The following IMPACT variants were observed in gnomAD, a reference collection of about 807,000 sequenced individuals.
The protein encoded by IMPACT is impact RWD domain protein.
IMPACT carries 35 observed loss-of-function variants against 47.5 expected under a neutral mutation model. The observed-to-expected ratio is 0.74, with a 90% CI of 0.56 to 0.98. The LOEUF (loss-of-function observed/expected upper bound fraction) is 0.98. IMPACT is among the 50% of genes least tolerant of loss of function. IMPACT has a pLI of 0.00. For synonymous variants in IMPACT, 118 were observed against 125.6 expected (o/e 0.94, Z 0.40); for missense variants, 373 against 394.8 (o/e 0.94, Z 0.47).
chr18:24,445,318 C>T (rs1909221414), intron 7 of IMPACT, 75 bp from the exon 8 acceptor site: 1 of 876,564 alleles, frequency 1.1e-6, no homozygotes, highest in Non-Finnish European at 1.8e-6. Context: ...CAGCATGCTT[C>T]AAGGTATTTT....
intron 5 of IMPACT, chr18:24,439,420 G>A (rs1909034199): frequency 1.3e-5 from 2 of 152,236 alleles, no homozygotes; most frequent in African/African-American, 2.4e-5. Flanking sequence ...GGCGGATCAC[G>A]AGGTCAGGAG....
chr18:24,437,793 C>T (rs1253380043), intron 4 of IMPACT, among the ~76,000 whole-genome samples, 162 bp from the exon 5 acceptor site: 3 of 152,074 alleles, frequency 2.0e-5, no homozygotes, highest in Non-Finnish European at 4.4e-5. Flanking sequence ...ATTAACTACT[C>T]AGACACAAAT....
At chr18:24,432,401 G>C (rs1213763025) in intron 4 of IMPACT, among the ~76,000 whole-genome samples, 1 of 152,028 alleles carries the variant, frequency 6.6e-6, no homozygotes, top group African/African-American at 2.4e-5. Flanking sequence ...ACTCCATTTG[G>C]TACAGTGACA....
intron 6 of IMPACT, among the ~76,000 whole-genome samples, chr18:24,442,797 G>A (rs745679487): frequency 5.9e-5 from 9 of 152,032 alleles, no homozygotes; most frequent in South Asian, 2.1e-4. Context: ...CCAACCCACT[G>A]CTTCCCCTGG....
chr18:24,453,343 T>C lies in IMPACT; in HGVS notation c.*2496T>C, dbSNP rs1306972738. The C allele has an allele frequency of 6.6e-6, 1 of 152,210 alleles. No homozygotes were observed. Among genetic ancestry groups the C allele is most frequent in the East Asian group, 1.9e-4 (1 of 5,200 alleles). 9.4% of individuals were successfully genotyped at this position (152,210 alleles called of 1,614,324 possible). A position where few individuals can be genotyped will look rare whatever the true frequency, so the allele number is the denominator to read the frequency against. ...TGATTCCACTATCCAGAGATAGCCA[T>C]TATTATTAATATTTGGTATGTACAT... is the stretch of plus-strand genomic sequence containing the variant. On this transcript the variant is annotated 3_prime_UTR_variant, in exon 11 of 11. Transcript: ENST00000284202.
In IMPACT at chr18:24,426,674, A is replaced by C. The variant is rs995080497; in HGVS notation, c.-83A>C. ...TTCCGGGTCGGGCCGCGCCGCAGCC[A>C]GCTCTCGGCTCGCAGCCGCAGCGCC... is the stretch of plus-strand genomic sequence containing the variant. On this transcript the variant is annotated 5_prime_UTR_variant, in exon 1 of 11. Coordinates refer to ENST00000284202, the MANE Select transcript of IMPACT (RefSeq NM_018439.4). The C allele has an allele frequency of 4.7e-6, 5 of 1,062,792 alleles. No homozygotes were observed. Among genetic ancestry groups the C allele is most frequent in the South Asian group, 4.6e-5 (1 of 21,828 alleles). The allele number at this position is 1,062,792 out of a possible 1,614,324, so 65.8% of individuals were successfully genotyped here.
chr18:24,438,325 A>G (rs189336447), intron 5 of IMPACT, among the ~76,000 whole-genome samples: 1 of 152,314 alleles, frequency 6.6e-6, no homozygotes, highest in Admixed American at 6.5e-5. Context: ...AAAATATTAA[A>G]TGGAAATTTC....
intron 8 of IMPACT, among the ~76,000 whole-genome samples, chr18:24,447,719 A>C (rs1021041656): frequency 2.0e-5 from 3 of 152,108 alleles, no homozygotes; most frequent in Non-Finnish European, 2.9e-5. Flanking sequence ...TTCCTTTATA[A>C]TATGTCTTAG....
intron 6 of IMPACT, among the ~76,000 whole-genome samples, chr18:24,441,122 C>T (rs1273934666): frequency 6.6e-6 from 1 of 152,200 alleles, no homozygotes; most frequent in African/African-American, 2.4e-5. Context: ...TCAAGTGATC[C>T]TTCTACCTCA....
intron 4 of IMPACT, among the ~76,000 whole-genome samples, chr18:24,432,916 T>C (rs936400497): frequency 6.6e-6 from 1 of 152,174 alleles, no homozygotes; most frequent in Non-Finnish European, 1.5e-5. Flanking sequence ...GTCATACACT[T>C]AGAAGTGGCT....
rs868076714 is a variant in IMPACT at position 24,434,774 on chromosome 18, A to T, written c.282-3181A>T. 1.2e-3 allele frequency among the ~76,000 whole-genome samples: 144 copies of T among 124,744 alleles called. 3 individuals are homozygous for T. The highest frequency in any genetic ancestry group is 7.8e-3 in the Middle Eastern group (2 of 258). 81.8% of individuals were successfully genotyped at this position (124,744 alleles called of 152,430 possible). A position where few individuals can be genotyped will look rare whatever the true frequency, so the allele number is the denominator to read the frequency against. ...GCAAAACTCTGTCTCAAAAAAAAAA[A>T]AAATATATATATATATATATATGTG... On this transcript the variant is annotated intron_variant, in intron 4 of 10. Coordinates refer to ENST00000284202, the MANE Select transcript of IMPACT (RefSeq NM_018439.4).
chr18:24,438,075 C>T, intron 5 of IMPACT, 35 bp downstream of exon 5: 1 of 893,758 alleles, frequency 1.1e-6, no homozygotes, highest in Non-Finnish European at 1.8e-6. Context: ...ACTCTTTTAA[C>T]TTATAATAAC....
chr18:24,446,593 A>G (rs1909256050), intron 8 of IMPACT, among the ~76,000 whole-genome samples: 2 of 152,194 alleles, frequency 1.3e-5, no homozygotes, highest in African/African-American at 4.8e-5. Flanking sequence ...TGTGATTGAG[A>G]CTATTTGTAG....
At chr18:24,437,650 C>T (rs905505701) in intron 4 of IMPACT, among the ~76,000 whole-genome samples, 2 of 152,170 alleles carry the variant, frequency 1.3e-5, no homozygotes, top group African/African-American at 2.4e-5. Context: ...AACTAAGTCA[C>T]ATTTATATTT....
rs577994249 is a variant in IMPACT at position 24,438,672 on chromosome 18, G to T, written c.367+632G>T. Among the ~76,000 whole-genome samples, 3 of 152,182 alleles carry T rather than the reference G, an allele frequency of 2.0e-5. No individual in the cohort carries two copies. The East Asian group carries it at 5.8e-4, about 29-fold the overall frequency. On this transcript the variant is annotated intron_variant, in intron 5 of 10. Transcript: ENST00000284202. Reference sequence around the variant, plus strand: ...TCTACAGACGAGGTCTCCCTATGTTGCCCAGGCTGATCTCAAACTCCTAAG... The same window carrying T: ...TCTACAGACGAGGTCTCCCTATGTTTCCCAGGCTGATCTCAAACTCCTAAG...
chr18:24,428,150 T>C, intron 2 of IMPACT, 103 bp downstream of exon 2: 1 of 1,105,978 alleles, frequency 9.0e-7, no homozygotes, highest in South Asian at 1.8e-5. Flanking sequence ...ATTATCTTTG[T>C]TCTTGGCTTT....
rs1909394032 is a variant in IMPACT, at chr18:24,451,783, T to C, written c.*936T>C. 1 of 152,206 alleles carries C rather than the reference T, an allele frequency of 6.6e-6. No individual in the cohort carries two copies. Among genetic ancestry groups the C allele is most frequent in the East Asian group, 1.9e-4 (1 of 5,200 alleles). The allele number at this position is 152,206 out of a possible 1,614,324, so 9.4% of individuals were successfully genotyped here. A position where few individuals can be genotyped will look rare whatever the true frequency, so the allele number is the denominator to read the frequency against. On this transcript the variant is annotated 3_prime_UTR_variant, in exon 11 of 11. Coordinates refer to ENST00000284202, the MANE Select transcript of IMPACT (RefSeq NM_018439.4). The stretch of plus-strand genomic sequence containing the variant: ...ATGTTGTGTAGTTACATCAATTTGA[T>C]GCATGCTTTCCATCTGCACTCCAGA...
At chr18:24,432,571 C>G (rs962531336) in intron 4 of IMPACT, among the ~76,000 whole-genome samples, 3 of 152,046 alleles carry the variant, frequency 2.0e-5, no homozygotes, top group African/African-American at 7.2e-5. Context: ...TCATCCTTGG[C>G]GGAAGTATAA....
intron 1 of IMPACT, 68 bp from the exon 2 acceptor site, chr18:24,427,851 T>G (rs1908652532): frequency 2.1e-6 from 3 of 1,442,618 alleles, no homozygotes; most frequent in Non-Finnish European, 1.9e-6. Flanking sequence ...GAATACCTTA[T>G]AAAGTAGTAA....
Sources: gnomAD v4.1 joint callset for allele counts (sites outside exome capture counted in the v4.1 genomes callset) on GRCh38, gnomAD v4.1.1 for gene constraint, MANE v1.5 for transcripts, NCBI Gene and HGNC (gene_info 2026-07-23, HGNC 2026-07-21) for gene names.